Variants in PFKFB3 observed in about 807,000 individuals in gnomAD.
PFKFB3 encodes 6-phosphofructo-2-kinase/fructose-2,6-bisphosphatase 3.
Under a neutral mutation model 68.0 loss-of-function variants are expected in PFKFB3, and 33 were observed. The ratio of observed to expected loss-of-function variants is 0.49; its 90% CI spans 0.37 to 0.65. The LOEUF (loss-of-function observed/expected upper bound fraction) is 0.65, where lower values mean the gene tolerates loss of function less well. PFKFB3 is among the 30% of genes least tolerant of loss of function. PFKFB3 has a pLI of 0.00. For missense variants in PFKFB3, 586 were observed against 712.2 expected (o/e 0.82, Z 2.02); for synonymous variants, 315 against 288.2 (o/e 1.09, Z -0.94).
At chr10:6,176,252 A>T (rs1257174342) in intron 1 of PFKFB3, among the ~76,000 whole-genome samples, 5 of 152,156 alleles carry the variant, frequency 3.3e-5, no homozygotes, top group Non-Finnish European at 7.4e-5. Context: ...GATCGTCTGT[A>T]TCCGATGTCA....
chr10:6,148,843 C>T (rs577091444), intron 1 of PFKFB3, among the ~76,000 whole-genome samples: 5 of 151,852 alleles, frequency 3.3e-5, no homozygotes, highest in South Asian at 4.2e-4. Context: ...TTTGGGAGGC[C>T]GAGGTGGGAG....
At chr10:6,195,445 T>C (rs1843151539) in intron 1 of PFKFB3, among the ~76,000 whole-genome samples, 3 of 152,338 alleles carry the variant, frequency 2.0e-5, no homozygotes, top group South Asian at 4.1e-4. Flanking sequence ...CATAGTTCCA[T>C]GGCTAAGCAT....
intron 14 of PFKFB3, among the ~76,000 whole-genome samples, chr10:6,245,142 G>A (rs534735437): frequency 6.6e-6 from 1 of 152,122 alleles, no homozygotes; most frequent in African/African-American, 2.4e-5. Flanking sequence ...TGTTGCCCAG[G>A]CTGGAATGCA....
At chr10:6,179,637 GA>G (rs980816502) in intron 1 of PFKFB3, among the ~76,000 whole-genome samples, 3 of 152,172 alleles carry the variant, frequency 2.0e-5, no homozygotes, top group African/African-American at 7.2e-5. Context: ...CAAGAGGGGA[GA>G]AAAGGAAGAA....
At chr10:6,199,817 T>G (rs1475191482), upstream of PFKFB3, among the ~76,000 whole-genome samples, 4 of 151,654 alleles carry the variant, frequency 2.6e-5, no homozygotes, top group Non-Finnish European at 5.9e-5. Flanking sequence ...TTTTCAATAA[T>G]TGCCCTGCTA....
At chr10:6,200,340 G>T (rs1051161310), upstream of PFKFB3, among the ~76,000 whole-genome samples, 1 of 152,116 alleles carries the variant, frequency 6.6e-6, no homozygotes, top group Non-Finnish European at 1.5e-5. Context: ...TGATACCCAG[G>T]TTAGTAGGAG....
At chr10:6,251,736 C>T (rs1469516145) in intron 14 of PFKFB3, among the ~76,000 whole-genome samples, 3 of 152,060 alleles carry the variant, frequency 2.0e-5, no homozygotes, top group African/African-American at 7.2e-5. Flanking sequence ...TTTGGGAGGC[C>T]GAGGAGGGTG....
At chr10:6,188,988 CCT>C (rs1322428987) in intron 1 of PFKFB3, among the ~76,000 whole-genome samples, 19 of 152,162 alleles carry the variant, frequency 1.2e-4, no homozygotes, top group Non-Finnish European at 2.2e-4. Flanking sequence ...GCGCCCGCCA[CCT>C]TGCCCGGCTA....
At chr10:6,145,035 C>T (rs372543829) in intron 1 of PFKFB3, 16 of 1,325,890 alleles carry the variant, frequency 1.2e-5, no homozygotes, top group East Asian at 9.3e-5. Flanking sequence ...GGTGACGCGG[C>T]CCACGCCCCC....
At chr10:6,151,378 C>G (rs934600522) in intron 1 of PFKFB3, among the ~76,000 whole-genome samples, 5 of 150,814 alleles carry the variant, frequency 3.3e-5, no homozygotes, top group African/African-American at 1.2e-4. Context: ...ACACTTCCCC[C>G]TGGCCTGGGC....
Position 6,233,043 on chromosome 10 carries a change from G to A in PFKFB3, c.*101G>A. ...GTATCCTGAGGACTTCTTCCGGAGAGGGTGGGGTGGAGCAGCGGGGGAGCC... is the reference window on the plus strand; with the variant it reads ...GTATCCTGAGGACTTCTTCCGGAGAAGGTGGGGTGGAGCAGCGGGGGAGCC... On this transcript the variant is annotated 3_prime_UTR_variant, in exon 15 of 15. Coordinates refer to ENST00000379775, the MANE Select transcript of PFKFB3 (RefSeq NM_004566.4). The A allele has an allele frequency of 1.1e-6, 1 of 923,588 alleles. No homozygotes were observed. The highest frequency in any genetic ancestry group is 1.3e-5 in the South Asian group (1 of 75,180). The allele number at this position is 923,588 out of a possible 1,614,324, so 57.2% of individuals were successfully genotyped here. A position where few individuals can be genotyped will look rare whatever the true frequency, so the allele number is the denominator to read the frequency against.
rs182697172 is a variant in PFKFB3 at position 6,154,478 on chromosome 10, G to C, written c.16+9465G>C. Among the ~76,000 whole-genome samples the C allele has an allele frequency of 1.2e-4, 18 of 152,276 alleles. No individual in the cohort carries two copies. Among genetic ancestry groups the C allele is most frequent in the Admixed American group, 8.5e-4 (13 of 15,292 alleles). ...GGTCAGGCTGGTCTTGAACTCCTGA[G>C]TTCAAGTGATTTGCCCGCCTCGGCC... On this transcript the variant is annotated intron_variant, in intron 1 of 14. Transcript: ENST00000379789. The surrounding 1 kb of genome is among the most constrained non-coding windows in gnomAD (Gnocchi z 4.6).
chr10:6,221,014 T>A, intron 8 of PFKFB3, 149 bp downstream of exon 8: 1 of 757,514 alleles, frequency 1.3e-6, no homozygotes, highest in Middle Eastern at 2.5e-4. Flanking sequence ...CGCCTGCACG[T>A]CTCTATGCAT....
chr10:6,225,692 C>T (rs758362733), intron 13 of PFKFB3, among the ~76,000 whole-genome samples: 5 of 147,094 alleles, frequency 3.4e-5, no homozygotes, highest in African/African-American at 9.9e-5. Context: ...TTGCAGCCTC[C>T]GTGCCCCATC....
At chr10:6,150,322 A>G (rs1027488186) in intron 1 of PFKFB3, among the ~76,000 whole-genome samples, 1 of 152,208 alleles carries the variant, frequency 6.6e-6, no homozygotes, top group African/African-American at 2.4e-5. Flanking sequence ...TTGCAGAGCC[A>G]CATTAAGATC....
chr10:6,250,600 T>C (rs1158802409), intron 14 of PFKFB3, among the ~76,000 whole-genome samples: 2 of 150,608 alleles, frequency 1.3e-5, no homozygotes, highest in Non-Finnish European at 1.5e-5. Flanking sequence ...GTGGGGTCTT[T>C]GAGAGGTGAT....
chr10:6,210,565 A>G (rs183533571), intron 1 of PFKFB3, among the ~76,000 whole-genome samples: 1,138 of 70,508 alleles, frequency 0.016, 196 homozygotes, highest in Admixed American at 0.033. Flanking sequence ...TCGCCATGTT[A>G]GCCAGGATAG....
At chr10:6,276,038 A>C in the PFKFB3 span, among the ~76,000 whole-genome samples, 3,588 of 152,250 alleles carry the variant, frequency 0.024, 125 homozygotes, top group East Asian at 0.11. Context: ...GTATTTGACA[A>C]ATAGACTGCG....
In PFKFB3 at chr10:6,228,365, T is replaced by C; in HGVS notation, c.1515+2000T>C. ...GGGAAGGAGGAGATGGGCGTAGGAGTAGGGAGGAGAGATTCCTGAATGTTT... is the reference window on the plus strand; with the variant it reads ...GGGAAGGAGGAGATGGGCGTAGGAGCAGGGAGGAGAGATTCCTGAATGTTT... On this transcript the variant is annotated intron_variant, in intron 14 of 14. Transcript: ENST00000379775. This position sits in a 1 kb window ranked among gnomAD's most constrained non-coding sequence, Gnocchi z 4.5. 1.2e-6 allele frequency: 1 copy of C among 834,950 alleles called. No homozygotes were observed. The highest frequency in any genetic ancestry group is 2.0e-6 in the Non-Finnish European group (1 of 496,680). The allele number at this position is 834,950 out of a possible 1,614,324, so 51.7% of individuals were successfully genotyped here.
Sources: allele counts gnomAD v4.1 joint callset (sites outside exome capture counted in the v4.1 genomes callset), GRCh38; gene constraint gnomAD v4.1.1; non-coding constraint Gnocchi (gnomAD v3.1); transcripts MANE v1.5; gene names NCBI Gene and HGNC (gene_info 2026-07-23, HGNC 2026-07-21).